WDR7: variants seen among roughly 807,000 people sequenced by gnomAD.
WDR7 encodes the protein WD repeat domain 7.
In WDR7, 46 loss-of-function variants were observed where a neutral mutation model predicts 169.4. That is an observed-to-expected ratio of 0.27 (90% confidence interval 0.21 to 0.35). The LOEUF (loss-of-function observed/expected upper bound fraction) is 0.35, where lower values mean the gene tolerates loss of function less well. WDR7 is among the 10% of genes least tolerant of loss of function. WDR7 has a pLI of 1.00. For missense variants in WDR7, 1,534 were observed against 1,859.3 expected (o/e 0.83, Z 3.22); for synonymous variants, 612 against 666.8 (o/e 0.92, Z 1.27).
In WDR7 at chr18:57,027,870, A is replaced by G. The variant is rs1395079507; in HGVS notation, c.*663A>G. 1 of 152,120 alleles carries G rather than the reference A, an allele frequency of 6.6e-6. No homozygotes were observed. Among genetic ancestry groups the G allele is most frequent in the Admixed American group, 6.5e-5 (1 of 15,284 alleles). 9.4% of individuals were successfully genotyped at this position (152,120 alleles called of 1,614,324 possible). ...TTTTCCTTGTAGAAAATAGTTTTCC[A>G]GACACTTAGCCTTCTGAAGTGCTCA... On this transcript the variant is annotated 3_prime_UTR_variant, in exon 28 of 28. Transcript: ENST00000254442.
Position 56,686,882 on chromosome 18 carries a change from T to C in WDR7, c.625T>C (p.Ser209Pro), listed in dbSNP as rs1568136758. ...QDTEPIFEEE[S>P]KPIYCQNCQS... ...TACTGAGCCAATATTTGAGGAGGAATCCAAACCAATTTATTGTCAGAATTG... is the reference window on the plus strand; with the variant it reads ...TACTGAGCCAATATTTGAGGAGGAACCCAAACCAATTTATTGTCAGAATTG... The change falls in exon 7 of 28, where the codon TCC becomes CCC. Residue 209 changes from serine to proline, a missense_variant. Transcript: ENST00000254442. The C allele has an allele frequency of 6.2e-7, 1 of 1,607,868 alleles. No homozygotes were observed.
chr18:56,800,342 A>G (rs1599054368), intron 19 of WDR7, among the ~76,000 whole-genome samples: 2 of 152,202 alleles, frequency 1.3e-5, no homozygotes, highest in African/African-American at 4.8e-5. Flanking sequence ...CAGTGTATGC[A>G]TGTTTATATC....
chr18:56,822,886 CTA>C (rs1287098055), intron 20 of WDR7, among the ~76,000 whole-genome samples: 1 of 151,924 alleles, frequency 6.6e-6, no homozygotes, highest in African/African-American at 2.4e-5. Flanking sequence ...TCTGAGTGAA[CTA>C]TGTCATTTCA....
At chr18:56,652,175 G>C (rs1485432661) in intron 1 of WDR7, among the ~76,000 whole-genome samples, 1 of 152,144 alleles carries the variant, frequency 6.6e-6, no homozygotes, top group Non-Finnish European at 1.5e-5. Flanking sequence ...AAAAATTGCT[G>C]TTTTATGTTT....
intron 16 of WDR7, among the ~76,000 whole-genome samples, chr18:56,765,868 C>T (rs1281510217): frequency 6.6e-6 from 1 of 152,120 alleles, no homozygotes; most frequent in Non-Finnish European, 1.5e-5. Context: ...TGCAGGTTTG[C>T]TACATGGATA....
At chr18:56,918,364 A>G (rs995353198) in intron 21 of WDR7, among the ~76,000 whole-genome samples, 1 of 152,166 alleles carries the variant, frequency 6.6e-6, no homozygotes, top group Non-Finnish European at 1.5e-5. Flanking sequence ...TGTTTGTGTT[A>G]CTTATATAGA....
At chr18:56,697,607 T>C (rs1023609035) in intron 12 of WDR7, among the ~76,000 whole-genome samples, 1 of 152,190 alleles carries the variant, frequency 6.6e-6, no homozygotes, top group African/African-American at 2.4e-5. Context: ...ATAGATATTA[T>C]TGTAATTACA....
chr18:56,983,604 C>T (rs2047675992), intron 26 of WDR7, among the ~76,000 whole-genome samples: 1 of 151,924 alleles, frequency 6.6e-6, no homozygotes, highest in Non-Finnish European at 1.5e-5. Flanking sequence ...GAGAAATAAA[C>T]TCCCTGTCAG....
chr18:56,688,142 T>C (rs1424702032), intron 7 of WDR7, among the ~76,000 whole-genome samples: 1 of 151,884 alleles, frequency 6.6e-6, no homozygotes, highest in Non-Finnish European at 1.5e-5. Flanking sequence ...GGCAGCGGAG[T>C]TGCTGAGTTA....
chr18:56,709,831 C>A (rs2026042222), intron 12 of WDR7, among the ~76,000 whole-genome samples: 1 of 151,736 alleles, frequency 6.6e-6, no homozygotes. Context: ...CTTTTATTTT[C>A]TTTTACTTGT....
chr18:56,953,211 C>T (rs557210651), intron 25 of WDR7, among the ~76,000 whole-genome samples: 52 of 151,868 alleles, frequency 3.4e-4, no homozygotes, highest in East Asian at 5.8e-4. Context: ...AAAAATAAAC[C>T]GTATTTTTAA....
chr18:56,690,080 A>G (rs2025531688), intron 7 of WDR7, among the ~76,000 whole-genome samples: 1 of 152,212 alleles, frequency 6.6e-6, no homozygotes, highest in African/African-American at 2.4e-5. Flanking sequence ...AAATTTTCTA[A>G]CAACATTTAA....
chr18:56,993,132 A>C (rs2047841644), intron 26 of WDR7, among the ~76,000 whole-genome samples: 1 of 152,238 alleles, frequency 6.6e-6, no homozygotes, highest in Non-Finnish European at 1.5e-5. Flanking sequence ...TGAGGGAAGA[A>C]ACAAGGTACT....
chr18:56,801,756 T>A (rs2044676679), intron 19 of WDR7, among the ~76,000 whole-genome samples: 1 of 152,222 alleles, frequency 6.6e-6, no homozygotes, highest in Non-Finnish European at 1.5e-5. Context: ...TTGAGATTCA[T>A]TCATGTTATT....
chr18:57,027,154 C>T lies in WDR7; in HGVS notation c.4420C>T (p.Arg1474Cys), dbSNP rs367544428. 6 of 1,614,056 alleles carry T rather than the reference C, an allele frequency of 3.7e-6. No individual in the cohort carries two copies. The highest frequency in any genetic ancestry group is 2.2e-5 in the East Asian group (1 of 44,894). ...KLARLIWTSN[R>C]NVILMAHDGK... ...GGCCCGGCTCATCTGGACTTCCAACCGCAACGTCATCCTCATGGCCCATGA... is the reference window on the plus strand; with the variant it reads ...GGCCCGGCTCATCTGGACTTCCAACTGCAACGTCATCCTCATGGCCCATGA... Residue 1474 changes from arginine (R) to cysteine (C), a missense_variant, in exon 28 of 28, where the codon CGC (arginine) becomes TGC (cysteine). Coordinates refer to ENST00000254442, the MANE Select transcript of WDR7 (RefSeq NM_015285.3).
chr18:56,759,292 G>A (rs1054336183), intron 16 of WDR7, among the ~76,000 whole-genome samples: 1 of 152,106 alleles, frequency 6.6e-6, no homozygotes, highest in African/African-American at 2.4e-5. Context: ...ATTTATAAAT[G>A]CTTAAGTTCA....
At chr18:56,926,329 T>C (rs1397250464) in intron 22 of WDR7, among the ~76,000 whole-genome samples, 1 of 152,220 alleles carries the variant, frequency 6.6e-6, no homozygotes, top group Non-Finnish European at 1.5e-5. Context: ...TGTTGGCTTC[T>C]GTTATTGCAG....
chr18:56,674,202 G>C (rs538919799), intron 2 of WDR7, among the ~76,000 whole-genome samples: 12 of 152,298 alleles, frequency 7.9e-5, no homozygotes, highest in East Asian at 5.8e-4. Context: ...TGTTATTTAA[G>C]GAACTGCCAG....
At chr18:56,707,559 T>G (rs1460328617) in intron 12 of WDR7, among the ~76,000 whole-genome samples, 1 of 152,056 alleles carries the variant, frequency 6.6e-6, no homozygotes, top group Admixed American at 6.6e-5. Flanking sequence ...GCTCATTGCC[T>G]GAAAATTGGG....
Sources: allele counts gnomAD v4.1 joint callset (sites outside exome capture counted in the v4.1 genomes callset), GRCh38; gene constraint gnomAD v4.1.1; transcripts MANE v1.5; gene names NCBI Gene and HGNC (gene_info 2026-07-23, HGNC 2026-07-21).